C3orf33: variants seen among roughly 807,000 people sequenced by gnomAD.
The protein encoded by C3orf33 is AP-1 activity suppressor.
Under a neutral mutation model 28.7 loss-of-function variants are expected in C3orf33, and 23 were observed. The observed-to-expected ratio is 0.80, with a 90% confidence interval of 0.58 to 1.13. The LOEUF (loss-of-function observed/expected upper bound fraction) is 1.13. Among genes scored for constraint, C3orf33 ranks in the 50% most tolerant of loss-of-function variants. The pLI is 0.00. For missense variants in C3orf33, 327 were observed against 353.4 expected (o/e 0.93, Z 0.60); for synonymous variants, 119 against 120.5 (o/e 0.99, Z 0.08).
intron 4 of C3orf33, among the ~76,000 whole-genome samples, chr3:155,765,311 A>G (rs191221058): frequency 2.6e-5 from 4 of 152,334 alleles, no homozygotes; most frequent in Non-Finnish European, 5.9e-5. Flanking sequence ...AAAAGCAACA[A>G]CCTGTAGAGT....
At chr3:155,798,862 AAC>A (rs1751558446) in intron 2 of C3orf33, among the ~76,000 whole-genome samples, 1 of 152,222 alleles carries the variant, frequency 6.6e-6, no homozygotes, top group South Asian at 2.1e-4. Context: ...AATATGTGCA[AAC>A]CATCCATCTG....
chr3:155,785,770 G>A (rs1751080727), intron 2 of C3orf33, among the ~76,000 whole-genome samples: 1 of 152,146 alleles, frequency 6.6e-6, no homozygotes, highest in Non-Finnish European at 1.5e-5. Context: ...CAGATGCAGT[G>A]GCTCATGCCT....
At chr3:155,790,297 C>A (rs1751275907) in intron 2 of C3orf33, among the ~76,000 whole-genome samples, 1 of 148,580 alleles carries the variant, frequency 6.7e-6, no homozygotes, top group Non-Finnish European at 1.5e-5. Flanking sequence ...AGCAAAGACC[C>A]AAACTCAAGA....
chr3:155,767,641 C>T lies in C3orf33; in HGVS notation c.351G>A (p.Lys117=). The T allele has an allele frequency of 1.3e-6, 2 of 1,577,140 alleles. No homozygotes were observed. Among genetic ancestry groups the T allele is most frequent in the African/African-American group, 1.3e-5 (1 of 74,338 alleles). ...RKEPRGALLV[K]LAGVELAETG... ...TTTCAGCGAGTTCTACTCCAGCCAA[C>T]TTAACCAGCAAAGCACCACGTGGCT... Residue 117 remains lysine, a synonymous_variant, in exon 4 of 5, where the codon AAG becomes AAA. Transcript: ENST00000340171.
At chr3:155,783,739 T>C (rs986337232) in intron 2 of C3orf33, among the ~76,000 whole-genome samples, 1 of 152,166 alleles carries the variant, frequency 6.6e-6, no homozygotes, top group Non-Finnish European at 1.5e-5. Context: ...AGTGCTAGCA[T>C]TACAGGCATA....
intron 2 of C3orf33, among the ~76,000 whole-genome samples, chr3:155,778,250 T>C (rs980174978): frequency 6.6e-6 from 1 of 151,854 alleles, no homozygotes; most frequent in Non-Finnish European, 1.5e-5. Context: ...AATGTTGGAT[T>C]GGGAAAAAAA....
chr3:155,777,041 G>T (rs1750771073), intron 2 of C3orf33, among the ~76,000 whole-genome samples: 1 of 151,998 alleles, frequency 6.6e-6, no homozygotes, highest in African/African-American at 2.4e-5. Context: ...CAATTGGCCG[G>T]GCATGGTGGC....
chr3:155,766,855 CAGG>C (rs561352644), intron 4 of C3orf33, among the ~76,000 whole-genome samples: 83 of 152,236 alleles, frequency 5.5e-4, no homozygotes, highest in African/African-American at 1.9e-3. Context: ...GAGGCTGAAG[CAGG>C]AGAATTGCTT....
chr3:155,794,845 C>A (rs1751431120), intron 2 of C3orf33, among the ~76,000 whole-genome samples: 1 of 152,012 alleles, frequency 6.6e-6, no homozygotes, highest in Admixed American at 6.6e-5. Context: ...GGGGTCAATT[C>A]AGCAAGAGGA....
intron 3 of C3orf33, among the ~76,000 whole-genome samples, chr3:155,770,228 G>A (rs1021680538): frequency 2.0e-5 from 3 of 152,182 alleles, no homozygotes; most frequent in African/African-American, 4.8e-5. Context: ...TCTTGGATGT[G>A]GGACAAGAAT....
At chr3:155,779,601 T>C (rs553106145) in intron 2 of C3orf33, among the ~76,000 whole-genome samples, 1 of 151,956 alleles carries the variant, frequency 6.6e-6, no homozygotes, top group Non-Finnish European at 1.5e-5. Context: ...AGCCATGAGA[T>C]CATATTTCAT....
chr3:155,780,467 A>C (rs939974855), intron 2 of C3orf33, among the ~76,000 whole-genome samples: 1 of 152,262 alleles, frequency 6.6e-6, no homozygotes, highest in Non-Finnish European at 1.5e-5. Flanking sequence ...TATTATAAGC[A>C]TTAAATGAAA....
intron 2 of C3orf33, among the ~76,000 whole-genome samples, chr3:155,799,823 A>C (rs1208516778): frequency 2.0e-5 from 3 of 152,198 alleles, no homozygotes; most frequent in Non-Finnish European, 4.4e-5. Flanking sequence ...GAGAGAGACA[A>C]ACTTTGCATG....
intron 1 of C3orf33, 53 bp downstream of exon 1, chr3:155,806,086 C>T: frequency 1.6e-6 from 2 of 1,237,962 alleles, no homozygotes; most frequent in Non-Finnish European, 2.1e-6. Flanking sequence ...TTCTCAGGGT[C>T]GCTCTGTGCC....
intron 2 of C3orf33, 58 bp from the exon 3 acceptor site, chr3:155,775,906 T>C: frequency 7.8e-7 from 1 of 1,286,422 alleles, no homozygotes; most frequent in South Asian, 1.4e-5. Flanking sequence ...TCTCAAAATT[T>C]AAAATGTCAA....
At chr3:155,771,049 G>A (rs1475810338) in intron 3 of C3orf33, among the ~76,000 whole-genome samples, 11 of 148,916 alleles carry the variant, frequency 7.4e-5, no homozygotes, top group African/African-American at 2.5e-4. Flanking sequence ...GTGTGTGTGT[G>A]TGTGTGTTGA....
intron 3 of C3orf33, 114 bp downstream of exon 3, chr3:155,775,587 T>G (rs1577417284): frequency 3.1e-6 from 2 of 638,052 alleles, no homozygotes; most frequent in East Asian, 6.7e-5. Flanking sequence ...GACTTTCTCA[T>G]GGACAATGGA....
At chr3:155,787,347 CTTTTT>C (rs3068987) in intron 2 of C3orf33, among the ~76,000 whole-genome samples, 5 of 104,088 alleles carry the variant, frequency 4.8e-5, no homozygotes, top group African/African-American at 1.2e-4. Context: ...CACAGGTATG[CTTTTT>C]TTTTTTTTTT....
chr3:155,780,311 A>G (rs1337232474), intron 2 of C3orf33, among the ~76,000 whole-genome samples: 5 of 152,198 alleles, frequency 3.3e-5, no homozygotes, highest in African/African-American at 9.6e-5. Context: ...ATCCTGGTAA[A>G]GACAAAGAAA....
Sources: gnomAD v4.1 joint callset for allele counts (sites outside exome capture counted in the v4.1 genomes callset) on GRCh38, gnomAD v4.1.1 for gene constraint, MANE v1.5 for transcripts, NCBI Gene and HGNC (gene_info 2026-07-23, HGNC 2026-07-21) for gene names.